The following TNRC6A variants were observed in gnomAD, a reference collection of about 807,000 sequenced individuals.
The protein encoded by TNRC6A is trinucleotide repeat containing adaptor 6A, also known as trinucleotide repeat-containing gene 6A protein.
A neutral mutation model predicts 221.2 loss-of-function variants in TNRC6A; 44 were observed. The observed-to-expected ratio is 0.20, with a 90% CI of 0.16 to 0.26. The LOEUF is 0.26. Among genes scored for constraint, TNRC6A ranks in the 10% least tolerant of loss-of-function variants. The pLI, the probability that TNRC6A is intolerant of heterozygous loss-of-function variation, is 1.00. For synonymous variants in TNRC6A, 847 were observed against 838.5 expected, an observed-to-expected ratio of 1.01 and a Z score of -0.18; for missense variants, 2,199 against 2,404.4, an observed-to-expected ratio of 0.91 and a Z score of 1.79.
chr16:24,796,100 A>G lies in TNRC6A; in HGVS notation c.3561+161A>G, dbSNP rs1353184354. The G allele has an allele frequency of 1.2e-5, 8 of 685,452 alleles. No individual in the cohort carries two copies. The East Asian group carries it at 1.4e-4, about 12-fold the overall frequency. The allele number at this position is 685,452 out of a possible 1,614,324, so 42.5% of individuals were successfully genotyped here. Reference sequence around the variant, plus strand: ...TGAGTTTCACCTTTCGGGAGCTCACAGTCTAGTATGGGGCATTAGGAGAGC... The same window carrying G: ...TGAGTTTCACCTTTCGGGAGCTCACGGTCTAGTATGGGGCATTAGGAGAGC... On this transcript the variant is annotated intron_variant, in intron 9 of 24. Coordinates refer to ENST00000395799, the MANE Select transcript of TNRC6A (RefSeq NM_014494.4).
intron 1 of TNRC6A, among the ~76,000 whole-genome samples, chr16:24,624,109 T>C (rs1900832551): frequency 6.6e-6 from 1 of 152,144 alleles, no homozygotes; most frequent in African/African-American, 2.4e-5. Flanking sequence ...CAGCTGGCTG[T>C]TGGCTAGCTG....
At chr16:24,639,050 G>A (rs974126026) in intron 1 of TNRC6A, among the ~76,000 whole-genome samples, 5 of 152,180 alleles carry the variant, frequency 3.3e-5, no homozygotes, top group Non-Finnish European at 5.9e-5. Flanking sequence ...AGAGTGCAGA[G>A]ATTTTGGAGA....
chr16:24,812,855 G>T (rs2058575008), intron 18 of TNRC6A, among the ~76,000 whole-genome samples: 1 of 145,730 alleles, frequency 6.9e-6, no homozygotes, highest in Non-Finnish European at 1.5e-5. Context: ...TCTGCCAAAT[G>T]GAATTAATAG....
At chr16:24,649,574 G>T (rs912554156) in intron 2 of TNRC6A, among the ~76,000 whole-genome samples, 2 of 152,022 alleles carry the variant, frequency 1.3e-5, no homozygotes, top group Non-Finnish European at 2.9e-5. Flanking sequence ...CTCTCAAAGT[G>T]CTGGGATTAC....
At chr16:24,776,722 T>C (rs2057725502) in intron 4 of TNRC6A, 8 of 985,256 alleles carry the variant, frequency 8.1e-6, no homozygotes, top group Non-Finnish European at 9.6e-6. Context: ...TGGGCCCTTA[T>C]TGGGTAGGTA....
rs1009322192 is a variant in TNRC6A at position 24,731,569 on chromosome 16, T to G, written c.53+1269T>G. Among the ~76,000 whole-genome samples the G allele has an allele frequency of 2.0e-5, 3 of 152,190 alleles. No individual in the cohort carries two copies. The East Asian group carries it at 5.8e-4, about 29-fold the overall frequency. ...TTACATAAATTTTGTCAAAATCTAG[T>G]AAGGAAATGTTAAGATATGAAACCA... On this transcript the variant is annotated intron_variant, in intron 2 of 24. Coordinates refer to ENST00000395799, the MANE Select transcript of TNRC6A (RefSeq NM_014494.4).
intron 2 of TNRC6A, among the ~76,000 whole-genome samples, chr16:24,642,264 G>A (rs1043917080): frequency 3.3e-5 from 5 of 152,178 alleles, no homozygotes; most frequent in Non-Finnish European, 5.9e-5. Flanking sequence ...AATGTTGTCC[G>A]AAGGTTATCC....
chr16:24,823,754 A>G lies in TNRC6A; in HGVS notation c.5836A>G (p.Ile1946Val), dbSNP rs904352981. Residue 1946 changes from isoleucine (I) to valine (V), a missense_variant, in exon 25 of 25, where the codon ATT (isoleucine) becomes GTT (valine). Around this residue, in one of 8 missense-constraint regions of TNRC6A, gnomAD observed 130 missense variants for 121.7 expected, o/e 1.07. Transcript: ENST00000395799. The surrounding 1 kb of genome is among the most constrained non-coding windows in gnomAD (Gnocchi z 4.3). Reference sequence around the variant, plus strand: ...CCGAGGAATTAGCAGCCCATCTCCCATTAACGCTTTTCTTTCTGTTGACCA... The same window carrying G: ...CCGAGGAATTAGCAGCCCATCTCCCGTTAACGCTTTTCTTTCTGTTGACCA... The part of the protein sequence containing the change: ...DPRGISSPSP[I>V]NAFLSVDHLG... 4 of 1,497,884 alleles carry G rather than the reference A, an allele frequency of 2.7e-6. No individual in the cohort carries two copies. Among genetic ancestry groups the G allele is most frequent in the African/African-American group, 2.8e-5 (2 of 70,766 alleles). 92.8% of individuals were successfully genotyped at this position (1,497,884 alleles called of 1,614,324 possible). A position where few individuals can be genotyped will look rare whatever the true frequency, so the allele number is the denominator to read the frequency against.
At chr16:24,756,649 A>G (rs1335986313) in intron 3 of TNRC6A, among the ~76,000 whole-genome samples, 3 of 152,118 alleles carry the variant, frequency 2.0e-5, no homozygotes, top group African/African-American at 7.2e-5. Context: ...GCAACATGGT[A>G]TACTTTGTTT....
rs780971671 is a variant in TNRC6A, at chr16:24,729,862, G to A, written c.5+16G>A. ...CACACATGAGGTGAGCGGAACAAGG[G>A]CCTCCCTCCGGGCGGGAGGAGCCGC... is the stretch of plus-strand genomic sequence containing the variant. On this transcript the variant is annotated intron_variant, in intron 1 of 24. Transcript: ENST00000395799. 20 of 1,296,806 alleles carry A rather than the reference G, an allele frequency of 1.5e-5. 1 individual carries two copies. In the South Asian group the frequency reaches 4.7e-4, roughly 30 times the overall value. The allele number at this position is 1,296,806 out of a possible 1,614,324, so 80.3% of individuals were successfully genotyped here.
chr16:24,669,785 AG>A (rs1380971961), intron 2 of TNRC6A, among the ~76,000 whole-genome samples: 1 of 151,768 alleles, frequency 6.6e-6, no homozygotes, highest in Non-Finnish European at 1.5e-5. Context: ...TAGTAGTAAG[AG>A]TAGTAATAGT....
chr16:24,700,568 G>A (rs1260826222), intron 2 of TNRC6A, among the ~76,000 whole-genome samples: 1 of 151,994 alleles, frequency 6.6e-6, no homozygotes, highest in African/African-American at 2.4e-5. Context: ...TAAGTAAGTG[G>A]TGCTCCAGGG....
At chr16:24,637,772 T>C (rs1053426431) in intron 1 of TNRC6A, among the ~76,000 whole-genome samples, 4 of 152,128 alleles carry the variant, frequency 2.6e-5, no homozygotes, top group Non-Finnish European at 5.9e-5. Flanking sequence ...TATGATGCCA[T>C]TTTTTAATTT....
chr16:24,666,183 G>T (rs1035012268), intron 2 of TNRC6A, among the ~76,000 whole-genome samples: 1 of 151,928 alleles, frequency 6.6e-6, no homozygotes, highest in African/African-American at 2.4e-5. Flanking sequence ...AAAATTAGAT[G>T]GGCAGCCAGG....
rs1232029763 is a variant in TNRC6A, at chr16:24,729,675, G to GCGGCGGTGT, written c.-160_-152dup. The stretch of plus-strand genomic sequence containing the variant: ...CACTTCCGGTCTGGGGCCTGCGGCG[G>GCGGCGGTGT]CGGCGGTGTCGGCGGCGGCGGCGGC... On this transcript the variant is annotated 5_prime_UTR_variant, in exon 1 of 25. Transcript: ENST00000395799. 6.2e-3 allele frequency: 4,347 copies of GCGGCGGTGT among 696,594 alleles called. 41 individuals carry two copies. The highest frequency in any genetic ancestry group is 0.01 in the Admixed American group (198 of 19,784). 43.2% of individuals were successfully genotyped at this position (696,594 alleles called of 1,614,324 possible).
intron 2 of TNRC6A, among the ~76,000 whole-genome samples, chr16:24,747,977 A>G (rs956289964): frequency 1.3e-5 from 2 of 152,224 alleles, no homozygotes; most frequent in Non-Finnish European, 2.9e-5. Context: ...ACAGCAGAAC[A>G]TGAAGAACAA....
chr16:24,647,897 C>A (rs1902377156), intron 2 of TNRC6A, among the ~76,000 whole-genome samples: 1 of 152,094 alleles, frequency 6.6e-6, no homozygotes. Flanking sequence ...AGGCGTGAGC[C>A]ACTGCACCCA....
chr16:24,809,573 T>C, intron 18 of TNRC6A, 92 bp downstream of exon 18: 2 of 1,344,178 alleles, frequency 1.5e-6, no homozygotes, highest in East Asian at 2.5e-5. Context: ...TAAATGTGTT[T>C]TCAAAGCCAA....
intron 2 of TNRC6A, among the ~76,000 whole-genome samples, chr16:24,659,056 G>A (rs1406691167): frequency 2.0e-5 from 3 of 151,672 alleles, no homozygotes; most frequent in Admixed American, 1.3e-4. Context: ...CAATCCACCC[G>A]CCTCAGTCTC....
Sources: allele counts gnomAD v4.1 joint callset (sites outside exome capture counted in the v4.1 genomes callset), GRCh38; gene constraint gnomAD v4.1.1; regional missense constraint gnomAD v4.1.1; non-coding constraint Gnocchi (gnomAD v3.1); transcripts MANE v1.5; gene names NCBI Gene and HGNC (gene_info 2026-07-23, HGNC 2026-07-21).